Variants in SLC14A2 observed in about 807,000 individuals in gnomAD.
SLC14A2 encodes urea transporter 2.
SLC14A2 carries 91 observed loss-of-function variants against 104.6 expected under a neutral mutation model. The observed-to-expected ratio is 0.87, with a 90% confidence interval of 0.73 to 1.04. SLC14A2 has a LOEUF of 1.04. Among genes scored for constraint, SLC14A2 ranks in the 50% least tolerant of loss-of-function variants. SLC14A2 has a pLI of 0.00. For missense variants in SLC14A2, 1,189 were observed against 1,156.0 expected (o/e 1.03, Z -0.41); for synonymous variants, 476 against 466.4 (o/e 1.02, Z -0.27).
At chr18:45,659,458 C>A (rs1396128231) in intron 10 of SLC14A2, among the ~76,000 whole-genome samples, 1 of 152,232 alleles carries the variant, frequency 6.6e-6, no homozygotes, top group African/African-American at 2.4e-5. Flanking sequence ...ATCTTAGGAA[C>A]CAAAATAAAC....
At chr18:45,318,836 A>G (rs1351161290) in intron 1 of SLC14A2, among the ~76,000 whole-genome samples, 1 of 151,948 alleles carries the variant, frequency 6.6e-6, no homozygotes, top group Non-Finnish European at 1.5e-5. Flanking sequence ...GACATCACTC[A>G]GCCCCGGTCA....
chr18:45,245,027 A>T (rs1238529256), intron 1 of SLC14A2, among the ~76,000 whole-genome samples: 2 of 152,204 alleles, frequency 1.3e-5, no homozygotes, highest in Non-Finnish European at 2.9e-5. Flanking sequence ...TAAATACTTT[A>T]TGCCATGTGC....
At chr18:45,404,370 T>G (rs1472575906) in intron 1 of SLC14A2, among the ~76,000 whole-genome samples, 1 of 152,196 alleles carries the variant, frequency 6.6e-6, no homozygotes, top group East Asian at 1.9e-4. Flanking sequence ...AGTACCCACC[T>G]GTGTAAGACA....
intron 2 of SLC14A2, among the ~76,000 whole-genome samples, chr18:45,572,535 A>G (rs2044362342): frequency 6.6e-6 from 1 of 152,198 alleles, no homozygotes; most frequent in African/African-American, 2.4e-5. Context: ...TTAGACTGCC[A>G]TGTTTAACCC....
intron 2 of SLC14A2, among the ~76,000 whole-genome samples, chr18:45,504,050 A>G (rs901145531): frequency 2.0e-5 from 3 of 152,184 alleles, no homozygotes; most frequent in Admixed American, 2.0e-4. Context: ...AGGGTGACTG[A>G]TGGGTCCTCA....
intron 1 of SLC14A2, among the ~76,000 whole-genome samples, chr18:45,466,698 A>C (rs1449550150): frequency 6.6e-6 from 1 of 151,482 alleles, no homozygotes; most frequent in Non-Finnish European, 1.5e-5. Flanking sequence ...AGGCCAGCCA[A>C]GTAGATTGAG....
chr18:45,587,880 A>C (rs1408517596), intron 2 of SLC14A2, among the ~76,000 whole-genome samples: 2 of 152,172 alleles, frequency 1.3e-5, no homozygotes, highest in African/African-American at 4.8e-5. Context: ...ATCTCATTGC[A>C]ATCCTCATAG....
chr18:45,458,696 A>G (rs905057128), intron 1 of SLC14A2, among the ~76,000 whole-genome samples: 3 of 152,196 alleles, frequency 2.0e-5, no homozygotes, highest in African/African-American at 7.2e-5. Flanking sequence ...AGGGGAAACT[A>G]AGATGCAGAG....
chr18:45,425,314 C>A lies in SLC14A2; in HGVS notation c.-124-57919C>A, dbSNP rs925953119. 5.4e-4 allele frequency among the ~76,000 whole-genome samples: 82 copies of A among 152,192 alleles called. 1 individual carries two copies. Among genetic ancestry groups the A allele is most frequent in the Non-Finnish European group, 1.3e-4 (9 of 68,040 alleles). ...TTCTAAGATTGTTAATTCTACATGG[C>A]ATGGCTATAACAACATTTGATGAGG... On this transcript the variant is annotated intron_variant, in intron 1 of 20. Coordinates refer to the SLC14A2 transcript ENST00000586448.
At chr18:45,542,027 G>A (rs12965282) in intron 2 of SLC14A2, among the ~76,000 whole-genome samples, 3 of 123,518 alleles carry the variant, frequency 2.4e-5, no homozygotes, top group African/African-American at 8.9e-5. Context: ...TTAGATGAAA[G>A]AGAGAGGGTT....
chr18:45,232,036 T>TAA (rs113423302), intron 1 of SLC14A2, among the ~76,000 whole-genome samples: 9 of 142,806 alleles, frequency 6.3e-5, no homozygotes, highest in Admixed American at 3.5e-4. Context: ...ATTGCAATAG[T>TAA]AAAAAAAAAA....
At chr18:45,622,657 G>A (rs979724068) in intron 1 of SLC14A2, among the ~76,000 whole-genome samples, 2 of 152,072 alleles carry the variant, frequency 1.3e-5, no homozygotes, top group Non-Finnish European at 2.9e-5. Context: ...AAGAAGAGCC[G>A]CCAAAAGAGA....
intron 1 of SLC14A2, among the ~76,000 whole-genome samples, chr18:45,403,132 C>CTCGGCTT (rs953615650): frequency 2.6e-5 from 4 of 152,180 alleles, no homozygotes; most frequent in African/African-American, 9.7e-5. Context: ...AGACTCCCTT[C>CTCGGCTT]TCGGCTTTCA....
At chr18:45,468,780 G>C (rs2087190914) in intron 1 of SLC14A2, among the ~76,000 whole-genome samples, 1 of 152,174 alleles carries the variant, frequency 6.6e-6, no homozygotes, top group African/African-American at 2.4e-5. Flanking sequence ...TAAATGACAT[G>C]TACAAAAGCA....
chr18:45,208,150 C>T (rs752504008), upstream of SLC14A2, among the ~76,000 whole-genome samples: 3 of 152,152 alleles, frequency 2.0e-5, no homozygotes, highest in African/African-American at 7.2e-5. Context: ...ATGCACTTCT[C>T]ACAAGCCCAT....
chr18:45,308,089 C>T (rs565541195), intron 1 of SLC14A2, among the ~76,000 whole-genome samples: 136 of 152,244 alleles, frequency 8.9e-4, no homozygotes, highest in African/African-American at 3.0e-3. Flanking sequence ...CTCATTACCA[C>T]GAGGAGGGCA....
intron 1 of SLC14A2, among the ~76,000 whole-genome samples, chr18:45,416,779 T>A (rs1421121458): frequency 6.6e-6 from 1 of 152,226 alleles, no homozygotes; most frequent in Non-Finnish European, 1.5e-5. Context: ...ACCAGCAGGT[T>A]TTTTCCTCTC....
intron 1 of SLC14A2, among the ~76,000 whole-genome samples, chr18:45,249,077 A>G (rs11082436): frequency 0.22 from 34,050 of 152,134 alleles, 4,422 homozygotes; most frequent in African/African-American, 0.36. Flanking sequence ...CTAAGATAGC[A>G]AGCACAGCAC....
At chr18:45,200,559 GT>G in the SLC14A2 span, among the ~76,000 whole-genome samples, 3 of 151,948 alleles carry the variant, frequency 2.0e-5, no homozygotes, top group African/African-American at 7.3e-5. Context: ...CATAGAATTT[GT>G]TTTTTTCATA....
Sources: gnomAD v4.1 joint callset for allele counts (sites outside exome capture counted in the v4.1 genomes callset) on GRCh38, gnomAD v4.1.1 for gene constraint, MANE v1.5 for transcripts, NCBI Gene and HGNC (gene_info 2026-07-23, HGNC 2026-07-21) for gene names.